SZRD1: variants seen among roughly 807,000 people sequenced by gnomAD.
The protein encoded by SZRD1 is SUZ RNA-binding domain-containing.
Under a neutral mutation model 17.6 loss-of-function variants are expected in SZRD1, and 7 were observed. The observed-to-expected ratio is 0.40, with a 90% CI of 0.23 to 0.75. The LOEUF (loss-of-function observed/expected upper bound fraction) is 0.75. Ranked by LOEUF, SZRD1 falls within the 30% of genes least tolerant of loss-of-function variation. The pLI, the probability that SZRD1 is intolerant of heterozygous loss-of-function variation, is 0.38. For synonymous variants in SZRD1, 77 were observed against 77.9 expected (o/e 0.99, Z 0.06); for missense variants, 178 against 201.8 (o/e 0.88, Z 0.71).
chr1:16,373,818 G>T (rs568784865), intron 1 of SZRD1, among the ~76,000 whole-genome samples: 1 of 152,128 alleles, frequency 6.6e-6, no homozygotes, highest in Admixed American at 6.5e-5. Context: ...GCCCATGTTG[G>T]TCTCGAATGC....
At chr1:16,383,595 T>C (rs1570026278) in intron 1 of SZRD1, among the ~76,000 whole-genome samples, 1 of 127,588 alleles carries the variant, frequency 7.8e-6, no homozygotes, top group East Asian at 1.9e-4. Context: ...TTTTTTCTTT[T>C]TTTTTCTTTT....
chr1:16,379,434 G>A (rs1307965549), intron 1 of SZRD1, among the ~76,000 whole-genome samples: 1 of 152,196 alleles, frequency 6.6e-6, no homozygotes, highest in Non-Finnish European at 1.5e-5. Flanking sequence ...TACTAGTTGT[G>A]CATAGTTGTG....
At chr1:16,375,694 C>T (rs769689987) in intron 1 of SZRD1, among the ~76,000 whole-genome samples, 62 of 152,162 alleles carry the variant, frequency 4.1e-4, no homozygotes, top group Admixed American at 5.9e-4. Context: ...CCAACAAACT[C>T]GTTCCCTTAT....
chr1:16,394,575 C>T (rs1186841393), intron 3 of SZRD1, among the ~76,000 whole-genome samples: 1 of 152,182 alleles, frequency 6.6e-6, no homozygotes, highest in East Asian at 1.9e-4. Flanking sequence ...TCACAGGGGC[C>T]TCTCAACTTG....
intron 1 of SZRD1, among the ~76,000 whole-genome samples, chr1:16,384,604 C>T (rs1382175284): frequency 6.6e-6 from 1 of 152,100 alleles, no homozygotes; most frequent in African/African-American, 2.4e-5. Flanking sequence ...ACCAGGAGAC[C>T]CTGTAGCCCA....
chr1:16,393,450 C>G lies in SZRD1; in HGVS notation c.324C>G (p.Pro108=), dbSNP rs777004673. The G allele has an allele frequency of 6.2e-7, 1 of 1,613,438 alleles. No homozygotes were observed. Among genetic ancestry groups the G allele is most frequent in the Non-Finnish European group, 8.5e-7 (1 of 1,179,828 alleles). ...AGCGGATCCTGGGCAGCGCCAGCCC[C>G]GAGGAGGAGCAGGAGAAACCCATCC... is the stretch of plus-strand genomic sequence containing the variant. ...ARKRILGSAS[P]EEEQEKPILD... The change falls in exon 3 of 4, where the codon CCC becomes CCG. Residue 108 remains proline (P), a synonymous_variant. Transcript: ENST00000401088. The surrounding 1 kb of genome is among the most constrained non-coding windows in gnomAD (Gnocchi z 5.6).
chr1:16,390,909 A>G (rs1326818588), intron 1 of SZRD1, among the ~76,000 whole-genome samples: 4 of 152,128 alleles, frequency 2.6e-5, no homozygotes, highest in African/African-American at 2.4e-5. Context: ...ACAGAAGGTA[A>G]AAGAAGGTAT....
chr1:16,367,443 C>A (rs764764633), intron 1 of SZRD1, 135 bp downstream of exon 1: 1 of 792,750 alleles, frequency 1.3e-6, no homozygotes, highest in African/African-American at 1.8e-5. Context: ...GGAGAGGCCC[C>A]CAGTTCCTGA....
intron 1 of SZRD1, among the ~76,000 whole-genome samples, chr1:16,375,552 G>A (rs1373615226): frequency 6.6e-6 from 1 of 151,686 alleles, no homozygotes; most frequent in Non-Finnish European, 1.5e-5. Flanking sequence ...AGCTCAGGCA[G>A]TCTGCCCACA....
intron 1 of SZRD1, among the ~76,000 whole-genome samples, chr1:16,383,865 G>A (rs1409320220): frequency 3.9e-5 from 6 of 152,020 alleles, no homozygotes; most frequent in African/African-American, 1.4e-4. Flanking sequence ...TGATCCGCCC[G>A]CCTGGGCCTC....
At chr1:16,371,583 T>C (rs558866748) in intron 1 of SZRD1, among the ~76,000 whole-genome samples, 1 of 150,822 alleles carries the variant, frequency 6.6e-6, no homozygotes, top group African/African-American at 2.4e-5. Context: ...TGCCTCAGCC[T>C]CCCGAGTAGC....
At chr1:16,370,531 T>A (rs2082896724) in intron 1 of SZRD1, among the ~76,000 whole-genome samples, 1 of 145,118 alleles carries the variant, frequency 6.9e-6, no homozygotes. Flanking sequence ...CTGGCCTTTT[T>A]TTTTTTAATT....
At chr1:16,369,829 C>T (rs1362500538) in intron 1 of SZRD1, among the ~76,000 whole-genome samples, 1 of 148,508 alleles carries the variant, frequency 6.7e-6, no homozygotes, top group African/African-American at 2.5e-5. Context: ...GCGGAGGTTG[C>T]AGTGAGCCGA....
intron 3 of SZRD1, 34 bp from the exon 4 acceptor site, chr1:16,395,004 T>C (rs775829925): frequency 6.5e-6 from 8 of 1,231,316 alleles, no homozygotes; most frequent in South Asian, 4.9e-5. Context: ...ATTATATCCT[T>C]CTTCAGGCCT....
chr1:16,379,835 A>G lies in SZRD1; in HGVS notation c.52-11540A>G, dbSNP rs568589039. ...GAGTGCAGTGGCGCAGTCTTGGCTC[A>G]CTGCAACCTTTGCCTCTCGGGTTCA... On this transcript the variant is annotated intron_variant, in intron 1 of 3. Coordinates refer to ENST00000401088, the MANE Select transcript of SZRD1 (RefSeq NM_001114600.3). 9.8e-5 allele frequency among the ~76,000 whole-genome samples: 14 copies of G among 143,392 alleles called. No homozygotes were observed. The East Asian group carries it at 2.9e-3, about 30-fold the overall frequency. 94.1% of individuals were successfully genotyped at this position (143,392 alleles called of 152,430 possible).
chr1:16,392,835 T>A (rs1291552372), intron 2 of SZRD1, among the ~76,000 whole-genome samples: 2 of 152,188 alleles, frequency 1.3e-5, no homozygotes, highest in Non-Finnish European at 2.9e-5. Context: ...CACCAGCCAG[T>A]CCTACTCTGA....
chr1:16,387,047 C>A lies in SZRD1; in HGVS notation c.52-4328C>A, dbSNP rs147114360. On this transcript the variant is annotated intron_variant, in intron 1 of 3. Transcript: ENST00000401088. Reference sequence around the variant, plus strand: ...AGAAGGATAAAAGCTACTTTGTCTGCCAAACAGGGCTGGTGTGAGCAGAAA... The same window carrying A: ...AGAAGGATAAAAGCTACTTTGTCTGACAAACAGGGCTGGTGTGAGCAGAAA... 6.9e-4 allele frequency: 196 copies of A among 283,332 alleles called. 3 individuals are homozygous for A. Among genetic ancestry groups the A allele is most frequent in the African/African-American group, 3.9e-3 (171 of 44,188 alleles). The allele number at this position is 283,332 out of a possible 1,614,324, so 17.6% of individuals were successfully genotyped here.
intron 1 of SZRD1, among the ~76,000 whole-genome samples, chr1:16,381,279 T>C (rs2083097317): frequency 6.6e-6 from 1 of 151,670 alleles, no homozygotes; most frequent in South Asian, 2.1e-4. Flanking sequence ...AAAAATAATG[T>C]TGGGCATGGT....
chr1:16,368,484 GTTGT>G (rs895741759), intron 1 of SZRD1, among the ~76,000 whole-genome samples: 6 of 81,542 alleles, frequency 7.4e-5, no homozygotes, highest in Admixed American at 1.1e-4. Context: ...TCTCTCAACG[GTTGT>G]TTATGTTTTT....
Sources: gnomAD v4.1 joint callset for allele counts (sites outside exome capture counted in the v4.1 genomes callset) on GRCh38, gnomAD v4.1.1 for gene constraint, Gnocchi (gnomAD v3.1) non-coding constraint, MANE v1.5 for transcripts, NCBI Gene and HGNC (gene_info 2026-07-23, HGNC 2026-07-21) for gene names.